Variants in HMCN2 observed in about 807,000 individuals in gnomAD.
HMCN2 encodes hemicentin-2.
In HMCN2, 325 loss-of-function variants were observed where a neutral mutation model predicts 377.5. That is an observed-to-expected ratio of 0.86 (90% CI 0.79 to 0.94). The LOEUF is 0.94. HMCN2 is among the 40% of genes least tolerant of loss of function. The probability of loss-of-function intolerance (pLI) is 0.00; values close to 1 mark genes in which losing one functional copy is unlikely to be tolerated. For missense variants in HMCN2, 4,543 were observed against 4,725.3 expected, an observed-to-expected ratio of 0.96 and a Z score of 1.13; for synonymous variants, 2,007 against 2,046.8, an observed-to-expected ratio of 0.98 and a Z score of 0.53.
chr9:130,394,524 G>A lies in HMCN2; in HGVS notation c.10641G>A (p.Arg3547=), dbSNP rs1156379954. ...TWHKDGQALT[R]LENNSRATRV... ...ATAAGGACGGGCAGGCCCTGACCAG[G>A]CTGGAGAACAACAGCAGAGCCACAC... Residue 3547 remains arginine, a synonymous_variant, in exon 69 of 98, where the codon AGG becomes AGA. Transcript: ENST00000683500. This position sits in a 1 kb window ranked among gnomAD's most constrained non-coding sequence, Gnocchi z 5.1. 1 of 1,289,746 alleles carries A rather than the reference G, an allele frequency of 7.8e-7. No individual in the cohort carries two copies. Among genetic ancestry groups the A allele is most frequent in the African/African-American group, 1.5e-5 (1 of 65,998 alleles). 79.9% of individuals were successfully genotyped at this position (1,289,746 alleles called of 1,614,324 possible). A position where few individuals can be genotyped will look rare whatever the true frequency, so the allele number is the denominator to read the frequency against.
intron 97 of HMCN2, chr9:130,432,877 C>A: frequency 2.5e-6 from 1 of 403,046 alleles, no homozygotes; most frequent in Non-Finnish European, 4.5e-6. Flanking sequence ...ACATGGGGAC[C>A]TTAGGGGTGG....
rs1295104121 is a variant in HMCN2 at position 130,351,275 on chromosome 9, C to T, written c.4431-148C>T. 9.8e-6 allele frequency: 4 copies of T among 410,018 alleles called. No homozygotes were observed. The highest frequency in any genetic ancestry group is 1.6e-5 in the Non-Finnish European group (4 of 251,638). The allele number at this position is 410,018 out of a possible 1,614,324, so 25.4% of individuals were successfully genotyped here. On this transcript the variant is annotated intron_variant, in intron 29 of 97. Coordinates refer to ENST00000683500, the MANE Select transcript of HMCN2 (RefSeq NM_001291815.2). The surrounding 1 kb of genome is among the most constrained non-coding windows in gnomAD (Gnocchi z 5.4). ...GACCACACGTTGTTGATCCATTCCT[C>T]GCTTACTGGGCCTTTGCATTGCTCC...
chr9:130,351,509 G>A lies in HMCN2; in HGVS notation c.4517G>A (p.Gly1506Glu). The change falls in exon 30 of 98, where the codon GGA becomes GAA. Residue 1506 changes from glycine (G) to glutamate (E), a missense_variant. Gly to Glu is a moderately conservative substitution (Grantham distance 98, BLOSUM62 -2). Coordinates refer to ENST00000683500, the MANE Select transcript of HMCN2 (RefSeq NM_001291815.2). The surrounding 1 kb of genome is among the most constrained non-coding windows in gnomAD (Gnocchi z 5.4). ...ACCGGCAGTCACGTGGGGGATGAGG[G>A]ACGATACCAGTGCGTGGCCTTCAGC... ...RITGSHVGDE[G>E]RYQCVAFSPA... 7.7e-7 allele frequency: 1 copy of A among 1,304,310 alleles called. No homozygotes were observed. The highest frequency in any genetic ancestry group is 5.5e-5 in the East Asian group (1 of 18,028). The allele number at this position is 1,304,310 out of a possible 1,614,324, so 80.8% of individuals were successfully genotyped here. A position where few individuals can be genotyped will look rare whatever the true frequency, so the allele number is the denominator to read the frequency against.
intron 57 of HMCN2, among the ~76,000 whole-genome samples, chr9:130,383,981 G>T (rs1006382681): frequency 6.6e-6 from 1 of 152,188 alleles, no homozygotes; most frequent in African/African-American, 2.4e-5. Flanking sequence ...GATTGGGGGG[G>T]TCTCACTGTC....
chr9:130,389,008 G>A (rs1480847911), intron 62 of HMCN2, among the ~76,000 whole-genome samples: 4 of 152,172 alleles, frequency 2.6e-5, no homozygotes, highest in African/African-American at 7.2e-5. Flanking sequence ...TCCGCATGAC[G>A]GCAGAAGCCC....
At chr9:130,317,663 T>A (rs1460944096) in intron 15 of HMCN2, among the ~76,000 whole-genome samples, 2 of 150,162 alleles carry the variant, frequency 1.3e-5, no homozygotes, top group Non-Finnish European at 3.0e-5. Flanking sequence ...CCTGGCTAAT[T>A]TATATATATA....
intron 87 of HMCN2, among the ~76,000 whole-genome samples, chr9:130,424,088 C>T (rs1240220996): frequency 6.6e-6 from 1 of 151,682 alleles, no homozygotes; most frequent in Non-Finnish European, 1.5e-5. Flanking sequence ...TCAAGCGATC[C>T]TCCTACCTTA....
chr9:130,294,659 G>T (rs1159980893), intron 4 of HMCN2, among the ~76,000 whole-genome samples, 196 bp from the exon 5 acceptor site: 1 of 152,196 alleles, frequency 6.6e-6, no homozygotes, highest in Non-Finnish European at 1.5e-5. Context: ...TCCTCCGAAT[G>T]CCTCAATTCA....
At position 130,299,195 on chromosome 9, in the gene HMCN2, A is replaced by G. The variant is rs916074451; in HGVS notation, c.1183A>G (p.Lys395Glu). 5 of 470,928 alleles carry G rather than the reference A, an allele frequency of 1.1e-5. No individual in the cohort carries two copies. The highest frequency in any genetic ancestry group is 2.2e-5 in the Non-Finnish European group (5 of 226,968). 29.2% of individuals were successfully genotyped at this position (470,928 alleles called of 1,614,324 possible). A position where few individuals can be genotyped will look rare whatever the true frequency, so the allele number is the denominator to read the frequency against. ...LWGGPPFHTP[K>E]ERFYLKVKGK... ...GGGCGGGCCGCCCTTCCACACCCCC[A>G]AGGAGCGCTTCTACCTCAAGGTGAA... The change falls in exon 8 of 98, where the codon AAG becomes GAG. Residue 395 changes from lysine (K) to glutamate (E), a missense_variant. Physicochemically the swap from Lys to Glu is moderately conservative, Grantham distance 56. This residue lies in a region of HMCN2 where 547 missense variants were observed against 189.9 expected (regional missense o/e 2.88). Coordinates refer to ENST00000683500, the MANE Select transcript of HMCN2 (RefSeq NM_001291815.2).
intron 85 of HMCN2, among the ~76,000 whole-genome samples, chr9:130,418,019 T>C (rs1191208942): frequency 1.3e-5 from 2 of 151,976 alleles, no homozygotes; most frequent in African/African-American, 2.4e-5. Flanking sequence ...ACACTGAGGG[T>C]CAGGGAGTGA....
chr9:130,431,947 G>C (rs572223202), intron 96 of HMCN2, among the ~76,000 whole-genome samples: 51 of 152,334 alleles, frequency 3.3e-4, no homozygotes, highest in African/African-American at 1.2e-3. Context: ...TGCACAAACG[G>C]GGCTGGGGCC....
chr9:130,376,627 C>A lies in HMCN2; in HGVS notation c.8030C>A (p.Pro2677Gln). 1 of 985,856 alleles carries A rather than the reference C, an allele frequency of 1.0e-6. No homozygotes were observed. The highest frequency in any genetic ancestry group is 4.7e-5 in the South Asian group (1 of 21,288). 61.1% of individuals were successfully genotyped at this position (985,856 alleles called of 1,614,324 possible). A position where few individuals can be genotyped will look rare whatever the true frequency, so the allele number is the denominator to read the frequency against. ...GAGTGTGAGAGCTGGGCTGTGCCCC[C>A]GCCCACCATCCGCTGGTACAAGGAT... ...TLECESWAVP[P>Q]PTIRWYKDGQ... Residue 2677 changes from proline to glutamine, a missense_variant, in exon 52 of 98, where the codon CCG becomes CAG. By Grantham distance (76) the Pro-to-Gln change is moderately conservative (BLOSUM62 -1). This residue lies in a region of HMCN2 where 736 missense variants were observed against 773.2 expected (regional missense o/e 0.95). Transcript: ENST00000683500.
chr9:130,356,648 T>C (rs1420438595), intron 34 of HMCN2, among the ~76,000 whole-genome samples: 1 of 152,246 alleles, frequency 6.6e-6, no homozygotes, highest in Non-Finnish European at 1.5e-5. Flanking sequence ...CTGAAATACT[T>C]TTCCTCCAGG....
At chr9:130,337,390 C>T (rs1466184387) in intron 22 of HMCN2, among the ~76,000 whole-genome samples, 2 of 152,132 alleles carry the variant, frequency 1.3e-5, no homozygotes, top group Non-Finnish European at 2.9e-5. Flanking sequence ...ACCAGAGGGC[C>T]TCAGGGCTGC....
At chr9:130,388,675 C>A (rs1042901081) in intron 62 of HMCN2, 135 bp downstream of exon 62, 6 of 366,734 alleles carry the variant, frequency 1.6e-5, no homozygotes, top group African/African-American at 9.5e-5. Flanking sequence ...CCGTGTTGCC[C>A]CCCCCCCCAC....
At chr9:130,340,985 C>G (rs2131474857) in intron 23 of HMCN2, 126 bp from the exon 24 acceptor site, 1 of 152,360 alleles carries the variant, frequency 6.6e-6, no homozygotes, top group East Asian at 1.9e-4. Context: ...CTTTTCCTGC[C>G]AGCCTTTGAT....
rs994926919 is a variant in HMCN2, at chr9:130,289,342, G to T, written c.612+3032G>T. 2.6e-5 allele frequency among the ~76,000 whole-genome samples: 4 copies of T among 152,146 alleles called. 1 individual carries two copies. The highest frequency in any genetic ancestry group is 9.6e-5 in the African/African-American group (4 of 41,458). ...AGACAGTAAGGGCGGGCGGAAGATG[G>T]GGGGGTGAGGGGGAGCTGCTGGGGG... On this transcript the variant is annotated intron_variant, in intron 4 of 97. Coordinates refer to ENST00000683500, the MANE Select transcript of HMCN2 (RefSeq NM_001291815.2).
chr9:130,428,293 G>A lies in HMCN2; in HGVS notation c.14066-65G>A. On this transcript the variant is annotated intron_variant, in intron 92 of 97. Transcript: ENST00000683500. The surrounding 1 kb of genome is among the most constrained non-coding windows in gnomAD (Gnocchi z 5.0). ...AGCCTCTGTGGATAGGCCGGGCCAG[G>A]GTCAGGTGGCGAGGCACGCCTGGGG... The A allele has an allele frequency of 1.4e-6, 2 of 1,464,494 alleles. No homozygotes were observed. Among genetic ancestry groups the A allele is most frequent in the East Asian group, 2.5e-5 (1 of 39,328 alleles). 90.7% of individuals were successfully genotyped at this position (1,464,494 alleles called of 1,614,324 possible). A position where few individuals can be genotyped will look rare whatever the true frequency, so the allele number is the denominator to read the frequency against.
chr9:130,404,752 AG>A, intron 80 of HMCN2, 116 bp from the exon 81 acceptor site: 3 of 622,294 alleles, frequency 4.8e-6, no homozygotes, highest in Non-Finnish European at 4.6e-6. Flanking sequence ...AGGGAGTTGG[AG>A]GGGGCAGCTG....
Sources: allele counts gnomAD v4.1 joint callset (sites outside exome capture counted in the v4.1 genomes callset), GRCh38; gene constraint gnomAD v4.1.1; regional missense constraint gnomAD v4.1.1; non-coding constraint Gnocchi (gnomAD v3.1); transcripts MANE v1.5; gene names NCBI Gene and HGNC (gene_info 2026-07-23, HGNC 2026-07-21).